CA10: variants seen among roughly 807,000 people sequenced by gnomAD.
CA10 encodes the protein carbonic anhydrase-related protein 10.
CA10 carries 14 observed loss-of-function variants against 44.2 expected under a neutral mutation model. The ratio of observed to expected loss-of-function variants is 0.32; its 90% CI spans 0.21 to 0.50. The LOEUF (loss-of-function observed/expected upper bound fraction) is 0.50. Among genes scored for constraint, CA10 ranks in the 20% least tolerant of loss-of-function variants. The pLI is 0.99. For synonymous variants in CA10, 159 were observed against 141.6 expected (o/e 1.12, Z -0.87); for missense variants, 350 against 409.7 (o/e 0.85, Z 1.26).
chr17:51,863,122 G>A (rs1017884598), intron 3 of CA10, among the ~76,000 whole-genome samples: 2 of 152,110 alleles, frequency 1.3e-5, no homozygotes, highest in African/African-American at 2.4e-5. Flanking sequence ...ATAACTTCTC[G>A]ATGAGGTTTT....
At chr17:52,071,798 C>T (rs1271078534) in intron 2 of CA10, among the ~76,000 whole-genome samples, 1 of 152,106 alleles carries the variant, frequency 6.6e-6, no homozygotes, top group African/African-American at 2.4e-5. Context: ...GACCCTCCAC[C>T]TTGCTTCTGA....
At chr17:52,099,118 C>A (rs146621772) in intron 1 of CA10, among the ~76,000 whole-genome samples, 2 of 151,938 alleles carry the variant, frequency 1.3e-5, no homozygotes, top group African/African-American at 2.4e-5. Flanking sequence ...TAAGCTCAGA[C>A]CTGCATTATT....
intron 2 of CA10, among the ~76,000 whole-genome samples, chr17:51,933,765 T>C (rs1024711698): frequency 1.3e-5 from 2 of 152,094 alleles, no homozygotes; most frequent in African/African-American, 4.8e-5. Context: ...TGGTGCACAT[T>C]GCATTTCATC....
chr17:52,006,117 C>T (rs1188143448), intron 2 of CA10, among the ~76,000 whole-genome samples: 3 of 151,726 alleles, frequency 2.0e-5, no homozygotes, highest in African/African-American at 7.3e-5. Flanking sequence ...TGAACAGAGA[C>T]CACAGATTTT....
rs1486303607 is a variant in CA10, at chr17:51,879,302, C to T, written c.279+51688G>A. 3.9e-5 allele frequency among the ~76,000 whole-genome samples: 6 copies of T among 152,244 alleles called. No homozygotes were observed. The East Asian group carries it at 7.8e-4, about 20-fold the overall frequency. On this transcript the variant is annotated intron_variant, in intron 3 of 8. Coordinates refer to ENST00000451037, the MANE Select transcript of CA10 (RefSeq NM_020178.5). ...GGATAAACTACCAGAATTGGAATTA[C>T]TGGGGAGACAAATACTACAAATAGC...
intron 4 of CA10, among the ~76,000 whole-genome samples, chr17:51,700,494 G>A (rs1437183224): frequency 6.6e-6 from 1 of 152,160 alleles, no homozygotes; most frequent in Non-Finnish European, 1.5e-5. Context: ...ACATGGCACA[G>A]TTCCATGGGC....
At chr17:51,963,294 G>C (rs1032749687) in intron 2 of CA10, among the ~76,000 whole-genome samples, 3 of 152,092 alleles carry the variant, frequency 2.0e-5, no homozygotes, top group African/African-American at 7.2e-5. Context: ...ACAAATTATT[G>C]GCATTCCTGA....
intron 4 of CA10, among the ~76,000 whole-genome samples, chr17:51,679,022 T>C (rs1036225868): frequency 1.3e-5 from 2 of 152,194 alleles, no homozygotes; most frequent in African/African-American, 4.8e-5. Context: ...TCCAAAGCAA[T>C]TGCATTTCTT....
At chr17:51,739,462 G>GCATC (rs1904371528) in intron 4 of CA10, among the ~76,000 whole-genome samples, 1 of 152,116 alleles carries the variant, frequency 6.6e-6, no homozygotes, top group African/African-American at 2.4e-5. Flanking sequence ...TTCCGATGAA[G>GCATC]CATCAGCAGG....
intron 4 of CA10, among the ~76,000 whole-genome samples, chr17:51,667,103 T>C (rs376496826): frequency 1.1e-4 from 17 of 152,214 alleles, no homozygotes; most frequent in African/African-American, 4.1e-4. Flanking sequence ...CAATTTGAAA[T>C]GAAGCCAAAT....
At chr17:51,652,814 G>A (rs552233259) in intron 5 of CA10, among the ~76,000 whole-genome samples, 3 of 152,278 alleles carry the variant, frequency 2.0e-5, no homozygotes, top group Admixed American at 6.5e-5. Flanking sequence ...TCCGATTGGG[G>A]CACTTTCTCT....
intron 2 of CA10, among the ~76,000 whole-genome samples, chr17:52,045,427 C>A (rs943694402): frequency 4.0e-5 from 6 of 151,850 alleles, no homozygotes; most frequent in African/African-American, 1.4e-4. Flanking sequence ...AGATTTTTCT[C>A]ATTTTTAATT....
intron 1 of CA10, among the ~76,000 whole-genome samples, chr17:52,079,607 A>G (rs1987912285): frequency 1.3e-5 from 2 of 152,196 alleles, no homozygotes; most frequent in African/African-American, 4.8e-5. Flanking sequence ...GGGAGGTTTT[A>G]GTCTCTATCC....
In CA10 at chr17:51,665,394, C is replaced by G. The variant is rs142190875; in HGVS notation, c.466-11658G>C. Among the ~76,000 whole-genome samples, 86 of 152,260 alleles carry G rather than the reference C, an allele frequency of 5.6e-4. No individual in the cohort carries two copies. The East Asian group carries it at 0.016, about 28-fold the overall frequency. On this transcript the variant is annotated intron_variant, in intron 4 of 8. Coordinates refer to ENST00000451037, the MANE Select transcript of CA10 (RefSeq NM_020178.5). ...GGTGTGCTCGGTGAGTCACTGCTCC[C>G]TTTTAGACCTCAGGGTCTTTATCTG... is the stretch of plus-strand genomic sequence containing the variant.
At chr17:52,005,470 G>A (rs2144125921) in intron 2 of CA10, among the ~76,000 whole-genome samples, 1 of 152,022 alleles carries the variant, frequency 6.6e-6, no homozygotes, top group South Asian at 2.1e-4. Context: ...CACACTGTGT[G>A]TTTCCAGTCT....
At chr17:51,934,867 T>C (rs974971407) in intron 2 of CA10, among the ~76,000 whole-genome samples, 3 of 152,148 alleles carry the variant, frequency 2.0e-5, no homozygotes, top group African/African-American at 7.2e-5. Context: ...AAGTGCCGAA[T>C]GGACCAGACT....
At chr17:52,074,637 CTAAT>C (rs534409716) in intron 1 of CA10, among the ~76,000 whole-genome samples, 324 of 152,006 alleles carry the variant, frequency 2.1e-3, no homozygotes, top group Non-Finnish European at 4.0e-3. Flanking sequence ...AGCTTTTTAC[CTAAT>C]TATTTTACAA....
chr17:51,705,890 T>C (rs185491587), intron 4 of CA10, among the ~76,000 whole-genome samples: 13 of 152,230 alleles, frequency 8.5e-5, no homozygotes, highest in Admixed American at 8.5e-4. Context: ...CTGTGCAAGG[T>C]AGGGGTAGTT....
At chr17:52,110,762 A>T (rs1988772723) in intron 1 of CA10, among the ~76,000 whole-genome samples, 1 of 152,084 alleles carries the variant, frequency 6.6e-6, no homozygotes. Context: ...AACCCTCCAT[A>T]TCCATTGGTT....
Sources: allele counts gnomAD v4.1 joint callset (sites outside exome capture counted in the v4.1 genomes callset), GRCh38; gene constraint gnomAD v4.1.1; transcripts MANE v1.5; gene names NCBI Gene and HGNC (gene_info 2026-07-23, HGNC 2026-07-21).